The following GRIN3A variants were observed in gnomAD, a reference collection of about 807,000 sequenced individuals.
GRIN3A encodes the protein glutamate ionotropic receptor NMDA type subunit 3A, also known as glutamate receptor ionotropic, NMDA 3A.
GRIN3A carries 47 observed loss-of-function variants against 92.4 expected under a neutral mutation model. The ratio of observed to expected loss-of-function variants is 0.51; its 90% CI spans 0.40 to 0.65. The LOEUF is 0.65. Among genes scored for constraint, GRIN3A ranks in the 30% least tolerant of loss-of-function variants. The pLI is 0.00. For synonymous variants in GRIN3A, 527 were observed against 540.6 expected (o/e 0.97, Z 0.35); for missense variants, 1,324 against 1,393.1 (o/e 0.95, Z 0.79).
At chr9:101,651,926 A>C (rs1205325174) in intron 3 of GRIN3A, among the ~76,000 whole-genome samples, 3 of 151,986 alleles carry the variant, frequency 2.0e-5, no homozygotes, top group Non-Finnish European at 2.9e-5. Flanking sequence ...GAAGTATCAG[A>C]AAAAATCACT....
rs149780918 is a variant in GRIN3A at position 101,627,884 on chromosome 9, G to A, written c.2498+372C>T. Among the ~76,000 whole-genome samples, 64 of 152,290 alleles carry A rather than the reference G, an allele frequency of 4.2e-4. No homozygotes were observed. The East Asian group carries it at 5.8e-3, about 14-fold the overall frequency. ...AGATATATTCACTGGGAAGGAAAAC[G>A]TTGCCTTGGGACACTTTATCCTCTG... On this transcript the variant is annotated intron_variant, in intron 4 of 8. Transcript: ENST00000361820.
At chr9:101,679,950 C>A (rs915004028) in intron 2 of GRIN3A, among the ~76,000 whole-genome samples, 1 of 152,142 alleles carries the variant, frequency 6.6e-6, no homozygotes, top group Admixed American at 6.5e-5. Context: ...ATTTGTATAG[C>A]TTCAGGCTGA....
chr9:101,667,010 T>C (rs1160918177), intron 3 of GRIN3A, among the ~76,000 whole-genome samples: 4 of 152,038 alleles, frequency 2.6e-5, no homozygotes, highest in Non-Finnish European at 4.4e-5. Context: ...TGGATCTATA[T>C]TGAAGTTCAC....
rs1030114971 is a variant in GRIN3A, at chr9:101,573,477, A to C, written c.3045T>G (p.Asn1015Lys). The change falls in exon 9 of 9, where the codon AAT becomes AAG. Residue 1015 changes from asparagine to lysine, a missense_variant. Coordinates refer to ENST00000361820, the MANE Select transcript of GRIN3A (RefSeq NM_133445.3). Reference sequence around the variant, plus strand: ...GGTTGTCATGACTCAGATTGGAAGTATTCCATACGGTAAGCTGACGGGGTC... The same window carrying C: ...GGTTGTCATGACTCAGATTGGAAGTCTTCCATACGGTAAGCTGACGGGGTC... Reference protein sequence around the residue: ...NVGPRQLTVWNTSNLSHDNRR... With the variant: ...NVGPRQLTVWKTSNLSHDNRR... The C allele has an allele frequency of 3.7e-6, 6 of 1,614,052 alleles. No individual in the cohort carries two copies. Among genetic ancestry groups the C allele is most frequent in the Non-Finnish European group, 5.1e-6 (6 of 1,179,942 alleles).
chr9:101,702,929 G>A (rs1829772959), intron 1 of GRIN3A, among the ~76,000 whole-genome samples: 1 of 152,088 alleles, frequency 6.6e-6, no homozygotes, highest in African/African-American at 2.4e-5. Context: ...CCATCAGTTA[G>A]TCCCATTCAC....
chr9:101,592,569 T>G (rs1371315255), intron 6 of GRIN3A: 1 of 152,188 alleles, frequency 6.6e-6, no homozygotes, highest in Non-Finnish European at 1.5e-5. Flanking sequence ...TGTCTGAATC[T>G]TTGAACATTA....
intron 4 of GRIN3A, among the ~76,000 whole-genome samples, chr9:101,626,840 TTATTACCAAG>T (rs1828640350): frequency 6.6e-6 from 1 of 152,230 alleles, no homozygotes; most frequent in Non-Finnish European, 1.5e-5. Flanking sequence ...ACTTGCTAGT[TTATTACCAAG>T]GAAAATTGAC....
At chr9:101,717,093 G>T (rs1005691975) in intron 1 of GRIN3A, among the ~76,000 whole-genome samples, 12 of 152,202 alleles carry the variant, frequency 7.9e-5, no homozygotes, top group Non-Finnish European at 1.3e-4. Flanking sequence ...CCAGGTCATT[G>T]ATTCTCAAAC....
At position 101,570,570 on chromosome 9, in the gene GRIN3A, ATGT is replaced by A. The variant is rs770039273; in HGVS notation, c.*2601_*2603del. The A allele has an allele frequency of 4.6e-5, 7 of 152,790 alleles. No individual in the cohort carries two copies. In the South Asian group the frequency reaches 8.3e-4, roughly 18 times the overall value. 9.5% of individuals were successfully genotyped at this position (152,790 alleles called of 1,614,324 possible). On this transcript the variant is annotated 3_prime_UTR_variant, in exon 9 of 9. Transcript: ENST00000361820. The stretch of plus-strand genomic sequence containing the variant: ...TCAGAACATAGAGGCATTTCAAGCA[ATGT>A]TGATGGCAGTAAGCCTGCTGTCAGC...
chr9:101,725,230 T>C (rs1321446832), intron 1 of GRIN3A, among the ~76,000 whole-genome samples: 1 of 152,226 alleles, frequency 6.6e-6, no homozygotes, highest in African/African-American at 2.4e-5. Flanking sequence ...GCTCAGGGCA[T>C]TATATTTGAT....
intron 1 of GRIN3A, among the ~76,000 whole-genome samples, chr9:101,691,225 C>T (rs1468664963): frequency 2.6e-5 from 4 of 152,084 alleles, no homozygotes; most frequent in Non-Finnish European, 4.4e-5. Flanking sequence ...TAATTTTAAG[C>T]TCCTACCTTG....
intron 1 of GRIN3A, among the ~76,000 whole-genome samples, chr9:101,701,828 T>C (rs1465016580): frequency 6.6e-6 from 1 of 152,130 alleles, no homozygotes; most frequent in Non-Finnish European, 1.5e-5. Flanking sequence ...GTTTTTTCAT[T>C]CCTCTCTCTT....
intron 1 of GRIN3A, among the ~76,000 whole-genome samples, chr9:101,707,895 T>C (rs1371079141): frequency 6.6e-6 from 1 of 152,074 alleles, no homozygotes; most frequent in Non-Finnish European, 1.5e-5. Flanking sequence ...GAAAGGAGCA[T>C]GAAGGCCGAA....
intron 4 of GRIN3A, among the ~76,000 whole-genome samples, chr9:101,626,041 G>T (rs1423857887): frequency 6.6e-6 from 1 of 152,168 alleles, no homozygotes; most frequent in African/African-American, 2.4e-5. Flanking sequence ...AAAGCAGTCA[G>T]CTCTCAGACT....
At chr9:101,700,412 C>T (rs1179799218) in intron 1 of GRIN3A, among the ~76,000 whole-genome samples, 1 of 152,068 alleles carries the variant, frequency 6.6e-6, no homozygotes, top group Admixed American at 6.6e-5. Flanking sequence ...TGGCACAGAT[C>T]TTTTCTGATG....
chr9:101,618,514 T>A (rs1366788788), intron 5 of GRIN3A, among the ~76,000 whole-genome samples: 1 of 152,034 alleles, frequency 6.6e-6, no homozygotes, highest in African/African-American at 2.4e-5. Flanking sequence ...CTCACACCAG[T>A]TAGAATGGCA....
At position 101,670,399 on chromosome 9, in the gene GRIN3A, C is replaced by T; in HGVS notation, c.2013G>A (p.Trp671Ter). 1 of 1,613,984 alleles carries T rather than the reference C, an allele frequency of 6.2e-7. No homozygotes were observed. The highest frequency in any genetic ancestry group is 2.2e-5 in the East Asian group (1 of 44,852). ...CCAGCCACATTGTCCAGTGGAGTGGCCACATGAAGGCTCCAATGGGAGCTG... is the reference window on the plus strand; with the variant it reads ...CCAGCCACATTGTCCAGTGGAGTGGTCACATGAAGGCTCCAATGGGAGCTG... ...DTAAPIGAFMWPLHWTMWLGI... is the reference protein window; with the variant it reads ...DTAAPIGAFM The change falls in exon 3 of 9, where the codon TGG (tryptophan) becomes TGA (stop). Residue 671 changes from tryptophan (W) to a stop codon, truncating the protein, a stop_gained. Transcript: ENST00000361820. LOFTEE classifies it high-confidence loss of function.
chr9:101,670,468 G>A lies in GRIN3A; in HGVS notation c.1944C>T (p.Phe648=), dbSNP rs1323676783. ...RSQVIDFTSP[F]FSTSLGILVR... is the part of the protein sequence containing the mutation. ...CTAAGATGCCCAAGCTGGTGGAGAA[G>A]AAAGGGCTGGTGAAATCTATCACCT... Residue 648 remains phenylalanine, a synonymous_variant, in exon 3 of 9, where the codon TTC becomes TTT. Coordinates refer to ENST00000361820, the MANE Select transcript of GRIN3A (RefSeq NM_133445.3). The A allele has an allele frequency of 6.2e-7, 1 of 1,614,024 alleles. No individual in the cohort carries two copies. Among genetic ancestry groups the A allele is most frequent in the East Asian group, 2.2e-5 (1 of 44,842 alleles).
intron 1 of GRIN3A, among the ~76,000 whole-genome samples, chr9:101,722,811 G>A (rs1266268715): frequency 6.6e-6 from 1 of 152,158 alleles, no homozygotes; most frequent in Non-Finnish European, 1.5e-5. Context: ...TAACTAGCTT[G>A]CTTTTGATTT....
Sources: gnomAD v4.1 joint callset for allele counts (sites outside exome capture counted in the v4.1 genomes callset) on GRCh38, gnomAD v4.1.1 for gene constraint, MANE v1.5 for transcripts, NCBI Gene and HGNC (gene_info 2026-07-23, HGNC 2026-07-21) for gene names.